PABIR3: variants seen among roughly 807,000 people sequenced by gnomAD.
PABIR3 encodes PABIR family member 1.
In PABIR3, 20 loss-of-function variants were observed where a neutral mutation model predicts 23.1. That is an observed-to-expected ratio of 0.86 (90% confidence interval 0.61 to 1.26). The LOEUF (loss-of-function observed/expected upper bound fraction) is 1.26, where lower values mean the gene tolerates loss of function less well. Among genes scored for constraint, PABIR3 ranks in the 50% most tolerant of loss-of-function variants. PABIR3 has a pLI of 0.00. For missense variants in PABIR3, 189 were observed against 195.4 expected (o/e 0.97, Z 0.20); for synonymous variants, 69 against 68.5 (o/e 1.01, Z -0.04).
At chrX:134,862,580 T>C in the PABIR3 span, among the ~76,000 whole-genome samples, 1 of 112,474 alleles carries the variant, frequency 8.9e-6, no homozygotes, top group Non-Finnish European at 1.9e-5. Flanking sequence ...GTTTTTATTT[T>C]TATTTGCTTT....
intron 2 of PABIR3, among the ~76,000 whole-genome samples, chrX:134,808,604 T>TC (rs2080402644): frequency 9.0e-6 from 1 of 111,556 alleles, no homozygotes; most frequent in Non-Finnish European, 1.9e-5. Flanking sequence ...ATGGTCTTGA[T>TC]CTCCTGACCT....
intron 4 of PABIR3, among the ~76,000 whole-genome samples, chrX:134,842,502 G>A: frequency 9.0e-6 from 1 of 111,328 alleles, no homozygotes; most frequent in Non-Finnish European, 1.9e-5. Context: ...CAGCTACTCA[G>A]GAGGCTGAAT....
intron 4 of PABIR3, among the ~76,000 whole-genome samples, chrX:134,831,853 A>G (rs906047344): frequency 2.7e-5 from 3 of 111,639 alleles, no homozygotes; most frequent in Non-Finnish European, 1.9e-5. Context: ...CTTTCTAACT[A>G]TATTTTTGTA....
intron 3 of PABIR3, among the ~76,000 whole-genome samples, chrX:134,824,076 A>C (rs756056040): frequency 1.8e-5 from 2 of 111,811 alleles, no homozygotes; most frequent in South Asian, 7.3e-4. Context: ...AGCTTAAAAG[A>C]TATTATTACA....
intron 4 of PABIR3, among the ~76,000 whole-genome samples, chrX:134,842,879 C>G (rs1475895760): frequency 9.7e-6 from 1 of 102,672 alleles, no homozygotes. Context: ...GCCTGGGCAA[C>G]AGGAGCAAAA....
At chrX:134,806,797 T>C (rs909911325), upstream of PABIR3, among the ~76,000 whole-genome samples, 12 of 102,281 alleles carry the variant, frequency 1.2e-4, no homozygotes, top group Non-Finnish European at 1.9e-4. Context: ...TTTTTTTTTT[T>C]CAGACTTTTG....
chrX:134,837,343 CCTT>C (rs759192976), intron 4 of PABIR3, among the ~76,000 whole-genome samples: 73 of 110,311 alleles, frequency 6.6e-4, no homozygotes, highest in Non-Finnish European at 1.3e-3. Context: ...AAGTAAGACT[CCTT>C]CTCCAAAAAA....
intron 3 of PABIR3, among the ~76,000 whole-genome samples, chrX:134,824,437 A>G (rs2081419535): frequency 1.8e-5 from 2 of 112,417 alleles, no homozygotes; most frequent in African/African-American, 3.2e-5. Flanking sequence ...CTCAGAATGT[A>G]TTAAATTATA....
intron 8 of PABIR3, 74 bp from the exon 9 acceptor site, chrX:134,849,093 T>C: frequency 2.4e-6 from 1 of 423,178 alleles, no homozygotes; most frequent in Non-Finnish European, 3.5e-6. Context: ...TCCTTAGATC[T>C]GTTATAATGA....
At chrX:134,852,474 AAAT>A (rs772647507) in intron 9 of PABIR3, among the ~76,000 whole-genome samples, 39 of 108,610 alleles carry the variant, frequency 3.6e-4, no homozygotes, top group African/African-American at 8.7e-4. Context: ...CTTCTTCACA[AAAT>A]AATAATAATA....
intron 3 of PABIR3, among the ~76,000 whole-genome samples, chrX:134,824,708 G>A (rs762044292): frequency 1.8e-5 from 2 of 111,796 alleles, no homozygotes; most frequent in South Asian, 7.5e-4. Flanking sequence ...GCTGAGGCAG[G>A]AGAAATGCTT....
chrX:134,828,621 AAAG>A (rs2081625787), intron 3 of PABIR3, among the ~76,000 whole-genome samples: 1 of 111,757 alleles, frequency 8.9e-6, no homozygotes, highest in South Asian at 3.7e-4. Context: ...AAAAGACTGA[AAAG>A]GAAAAAGTAG....
chrX:134,843,164 A>G (rs1337506379), intron 4 of PABIR3, among the ~76,000 whole-genome samples: 1 of 109,520 alleles, frequency 9.1e-6, no homozygotes, highest in Non-Finnish European at 1.9e-5. Flanking sequence ...ACACCATTGC[A>G]CTCTAGCCTG....
chrX:134,821,550 G>A lies in PABIR3; in HGVS notation c.189+6701G>A, dbSNP rs768085823. Reference sequence around the variant, plus strand: ...CCCCTCCTCTTCCAAAGGAAGCAGGGGAAATGTCTCATCTTCCTAAGAGAA... The same window carrying A: ...CCCCTCCTCTTCCAAAGGAAGCAGGAGAAATGTCTCATCTTCCTAAGAGAA... On this transcript the variant is annotated intron_variant, in intron 3 of 10. Coordinates refer to ENST00000645433, the MANE Select transcript of PABIR3 (RefSeq NM_001388447.1). 70 of 1,148,255 alleles carry A rather than the reference G, an allele frequency of 6.1e-5. No homozygotes were observed. In the East Asian group the frequency reaches 2.2e-3, roughly 36 times the overall value. 94.6% of individuals were successfully genotyped at this position (1,148,255 alleles called of 1,213,427 possible). A position where few individuals can be genotyped will look rare whatever the true frequency, so the allele number is the denominator to read the frequency against.
chrX:134,798,047 C>T lies in PABIR3; in HGVS notation c.-98+1183C>T, dbSNP rs962778818. 2.7e-5 allele frequency among the ~76,000 whole-genome samples: 3 copies of T among 111,748 alleles called. No homozygotes were observed. The Admixed American group carries it at 2.8e-4, about 11-fold the overall frequency. Reference sequence around the variant, plus strand: ...TGTTGGCTAGGCTGGTCTCGAACTCCTGACCTCAGGTGATCCACCCGCCTC... The same window carrying T: ...TGTTGGCTAGGCTGGTCTCGAACTCTTGACCTCAGGTGATCCACCCGCCTC... On this transcript the variant is annotated intron_variant, in intron 1 of 4. Transcript: ENST00000414371.
At chrX:134,824,139 A>G (rs897400168) in intron 3 of PABIR3, among the ~76,000 whole-genome samples, 1 of 111,977 alleles carries the variant, frequency 8.9e-6, no homozygotes, top group Non-Finnish European at 1.9e-5. Context: ...AATGTCTAAC[A>G]ATAGGGAATA....
intron 9 of PABIR3, among the ~76,000 whole-genome samples, chrX:134,851,803 A>G (rs2082646837): frequency 8.9e-6 from 1 of 111,791 alleles, no homozygotes; most frequent in Admixed American, 9.6e-5. Flanking sequence ...ATGAGCCATG[A>G]TTACACTTCT....
At chrX:134,798,068 G>T (rs1240165418) in intron 1 of PABIR3, among the ~76,000 whole-genome samples, 3 of 111,773 alleles carry the variant, frequency 2.7e-5, no homozygotes, top group African/African-American at 9.8e-5. Flanking sequence ...TGATCCACCC[G>T]CCTCGGCCTC....
chrX:134,828,067 A>ATATG (rs1170051817), intron 3 of PABIR3, among the ~76,000 whole-genome samples: 2 of 100,654 alleles, frequency 2.0e-5, no homozygotes, highest in Non-Finnish European at 4.0e-5. Flanking sequence ...ATATATATAT[A>ATATG]TATGTATATT....
Sources: gnomAD v4.1 joint callset for allele counts (sites outside exome capture counted in the v4.1 genomes callset) on GRCh38, gnomAD v4.1.1 for gene constraint, MANE v1.5 for transcripts, NCBI Gene and HGNC (gene_info 2026-07-23, HGNC 2026-07-21) for gene names.